Variants in KYAT1 observed in about 807,000 individuals in gnomAD.
KYAT1 encodes the protein kynurenine--oxoglutarate transaminase 1.
In KYAT1, 47 loss-of-function variants were observed where a neutral mutation model predicts 52.4. The observed-to-expected ratio is 0.90, with a 90% CI of 0.71 to 1.14. The LOEUF is 1.14. Among genes scored for constraint, KYAT1 ranks in the 50% most tolerant of loss-of-function variants. The pLI, the probability that KYAT1 is intolerant of heterozygous loss-of-function variation, is 0.00. For synonymous variants in KYAT1, 212 were observed against 209.6 expected, an observed-to-expected ratio of 1.01 and a Z score of -0.10; for missense variants, 480 against 557.9, an observed-to-expected ratio of 0.86 and a Z score of 1.41.
In KYAT1 at chr9:128,842,658, G is replaced by A; in HGVS notation, c.197C>T (p.Thr66Ile). ...ACGAGAGATGGGGAGACTCACAAAT[G>A]TCTTGGTGTACTGGTTAAGCATGAA... ...GDFMLNQYTK[T>I]FGYPPLTKIL... Residue 66 changes from threonine to isoleucine, a missense_variant, in exon 3 of 13, where the codon ACA (threonine) becomes ATA (isoleucine). Physicochemically the swap from Thr to Ile is moderately conservative, Grantham distance 89 (BLOSUM62 -1). Transcript: ENST00000302586. The A allele has an allele frequency of 6.2e-7, 1 of 1,613,654 alleles. No individual in the cohort carries two copies. Among genetic ancestry groups the A allele is most frequent in the Non-Finnish European group, 8.5e-7 (1 of 1,179,668 alleles).
At chr9:128,863,641 C>CAGAA (rs1345955527) in intron 1 of KYAT1, among the ~76,000 whole-genome samples, 2 of 152,096 alleles carry the variant, frequency 1.3e-5, no homozygotes, top group African/African-American at 4.8e-5. Context: ...CAGCCAAGAG[C>CAGAA]AGAAGGGTAC....
intron 1 of KYAT1, among the ~76,000 whole-genome samples, chr9:128,854,469 C>G (rs1834342180): frequency 6.6e-6 from 1 of 152,176 alleles, no homozygotes; most frequent in Non-Finnish European, 1.5e-5. Context: ...AGAAAATCAG[C>G]TTCCAGTTTG....
chr9:128,881,523 A>G (rs1588181104), intron 1 of KYAT1, among the ~76,000 whole-genome samples: 1 of 152,120 alleles, frequency 6.6e-6, no homozygotes, highest in South Asian at 2.1e-4. Flanking sequence ...GGTTGCCGGT[A>G]CTGTTATCAG....
chr9:128,857,693 G>A lies in KYAT1; in HGVS notation c.-6-12282C>T, dbSNP rs1030507664. 4.4e-4 allele frequency among the ~76,000 whole-genome samples: 67 copies of A among 152,254 alleles called. 1 individual carries two copies. Among genetic ancestry groups the A allele is most frequent in the Admixed American group, 3.7e-3 (56 of 15,296 alleles). On this transcript the variant is annotated intron_variant, in intron 1 of 12. Transcript: ENST00000302586. Reference sequence around the variant, plus strand: ...CTACTAAAAATACAAAAAATTAGCTGGGCGTGGTGGTGGGCACCTGCAGTC... The same window carrying A: ...CTACTAAAAATACAAAAAATTAGCTAGGCGTGGTGGTGGGCACCTGCAGTC...
chr9:128,839,145 G>C (rs1179045215), intron 3 of KYAT1, among the ~76,000 whole-genome samples: 1 of 151,806 alleles, frequency 6.6e-6, no homozygotes, highest in African/African-American at 2.4e-5. Flanking sequence ...TGTATTTTTA[G>C]TGGAGACGGG....
At chr9:128,850,910 C>A (rs1833874949) in intron 1 of KYAT1, among the ~76,000 whole-genome samples, 1 of 152,190 alleles carries the variant, frequency 6.6e-6, no homozygotes, top group African/African-American at 2.4e-5. Flanking sequence ...AAACATAAAT[C>A]CGGCCTACAT....
chr9:128,873,673 G>A (rs1837559149), intron 1 of KYAT1, among the ~76,000 whole-genome samples: 1 of 151,942 alleles, frequency 6.6e-6, no homozygotes, highest in South Asian at 2.1e-4. Flanking sequence ...CCAGCTACTT[G>A]GGAGGCTGAG....
chr9:128,845,073 C>T (rs1832851070), intron 2 of KYAT1, among the ~76,000 whole-genome samples: 1 of 152,028 alleles, frequency 6.6e-6, no homozygotes, highest in Non-Finnish European at 1.5e-5. Context: ...CTTTTTCCTC[C>T]CCAACGCTCT....
intron 3 of KYAT1, among the ~76,000 whole-genome samples, chr9:128,839,871 G>C (rs1177712864): frequency 1.3e-5 from 2 of 150,624 alleles, no homozygotes; most frequent in African/African-American, 2.4e-5. Context: ...GGGCAACACA[G>C]AGGGACTCTG....
Position 128,836,082 on chromosome 9 carries a change from G to A in KYAT1, c.689-9C>T, listed in dbSNP as rs1831038710. ...CATGCCAGGGAGGCTGGCTGCCCAA[G>A]GCCGAACAGAACAGCTGCTGAGACT... On this transcript the variant is annotated splice_polypyrimidine_tract_variant and intron_variant, in intron 7 of 12. Coordinates refer to ENST00000302586, the MANE Select transcript of KYAT1 (RefSeq NM_004059.5). 1 of 1,613,410 alleles carries A rather than the reference G, an allele frequency of 6.2e-7. No individual in the cohort carries two copies. The highest frequency in any genetic ancestry group is 8.5e-7 in the Non-Finnish European group (1 of 1,179,538).
intron 1 of KYAT1, among the ~76,000 whole-genome samples, chr9:128,862,800 G>A (rs897826959): frequency 6.6e-5 from 10 of 152,128 alleles, no homozygotes; most frequent in African/African-American, 2.4e-4. Context: ...GGGTAAGACT[G>A]GGCATAGGAG....
chr9:128,857,125 A>T (rs1460657899), intron 1 of KYAT1, among the ~76,000 whole-genome samples: 1 of 152,216 alleles, frequency 6.6e-6, no homozygotes, highest in Non-Finnish European at 1.5e-5. Flanking sequence ...AGAAACATAA[A>T]TCCGGCCTAC....
intron 11 of KYAT1, 147 bp downstream of exon 11, chr9:128,835,176 C>T (rs1226352526): frequency 4.2e-6 from 3 of 716,426 alleles, no homozygotes; most frequent in Non-Finnish European, 7.5e-6. Context: ...ACAGCCTCCT[C>T]ATTCTCTGAA....
rs1015929807 is a variant in KYAT1 at position 128,875,364 on chromosome 9, A to G, written c.-7+6533T>C. ...CGTGGTGGCTCACGCCTGTAATCCC[A>G]GCACTTTGGGAGGCCGAGGCAGACA... On this transcript the variant is annotated intron_variant, in intron 1 of 12. Transcript: ENST00000302586. 1.2e-4 allele frequency among the ~76,000 whole-genome samples: 18 copies of G among 147,750 alleles called. 1 individual carries two copies. Among genetic ancestry groups the G allele is most frequent in the Admixed American group, 1.2e-3 (17 of 14,420 alleles).
rs532040880 is a variant in KYAT1, at chr9:128,867,329, G to A, written c.-7+14568C>T. The stretch of plus-strand genomic sequence containing the variant: ...CAAGTAGCTGGGACCACATGTGCAC[G>A]CCACCATGCTGGGCTAACTTTTTAT... On this transcript the variant is annotated intron_variant, in intron 1 of 12. Transcript: ENST00000302586. 3.9e-5 allele frequency among the ~76,000 whole-genome samples: 6 copies of A among 152,112 alleles called. No homozygotes were observed. In the East Asian group the frequency reaches 9.7e-4, roughly 25 times the overall value.
At chr9:128,871,317 T>TAAAAC (rs200073072) in intron 1 of KYAT1, among the ~76,000 whole-genome samples, 8,263 of 151,096 alleles carry the variant, frequency 0.055, 261 homozygotes, top group African/African-American at 0.093. Flanking sequence ...GACCTTGTCT[T>TAAAAC]AAAACAAAAC....
intron 1 of KYAT1, among the ~76,000 whole-genome samples, chr9:128,876,710 C>T (rs1271781598): frequency 6.6e-6 from 1 of 150,458 alleles, no homozygotes; most frequent in Non-Finnish European, 1.5e-5. Flanking sequence ...TGAGCCACGG[C>T]ACCCGGCCTT....
In KYAT1 at chr9:128,838,155, T is replaced by C. The variant is rs376025401; in HGVS notation, c.352-18A>G. ...ATGATGACCTGATATAAGGGTCAAATCAGCTGGAGTCAGCATGGCCCTGAC... is the reference window on the plus strand; with the variant it reads ...ATGATGACCTGATATAAGGGTCAAACCAGCTGGAGTCAGCATGGCCCTGAC... On this transcript the variant is annotated intron_variant, in intron 4 of 12. Coordinates refer to ENST00000302586, the MANE Select transcript of KYAT1 (RefSeq NM_004059.5). 27 of 1,614,078 alleles carry C rather than the reference T, an allele frequency of 1.7e-5. No individual in the cohort carries two copies. In the East Asian group the frequency reaches 3.6e-4, roughly 21 times the overall value.
At chr9:128,845,182 G>C (rs1410191535) in intron 2 of KYAT1, among the ~76,000 whole-genome samples, 171 bp downstream of exon 2, 2 of 152,144 alleles carry the variant, frequency 1.3e-5, no homozygotes, top group East Asian at 3.9e-4. Context: ...AGAAAGCTGA[G>C]ATTTGAACCA....
Sources: gnomAD v4.1 joint callset for allele counts (sites outside exome capture counted in the v4.1 genomes callset) on GRCh38, gnomAD v4.1.1 for gene constraint, MANE v1.5 for transcripts, NCBI Gene and HGNC (gene_info 2026-07-23, HGNC 2026-07-21) for gene names.